The following OSBPL8 variants were observed in gnomAD, a reference collection of about 807,000 sequenced individuals.
The protein encoded by OSBPL8 is oxysterol-binding protein-related protein 8.
OSBPL8 carries 59 observed loss-of-function variants against 125.5 expected under a neutral mutation model. The observed-to-expected ratio is 0.47, with a 90% CI of 0.38 to 0.58. The LOEUF (loss-of-function observed/expected upper bound fraction) is 0.58, where lower values mean the gene tolerates loss of function less well. Ranked by LOEUF, OSBPL8 falls within the 20% of genes least tolerant of loss-of-function variation. The pLI, the probability that OSBPL8 is intolerant of heterozygous loss-of-function variation, is 0.00. For missense variants in OSBPL8, 758 were observed against 1,047.8 expected, an observed-to-expected ratio of 0.72 and a Z score of 3.82; for synonymous variants, 330 against 338.9, an observed-to-expected ratio of 0.97 and a Z score of 0.29.
Position 76,373,266 on chromosome 12 carries a change from G to A in OSBPL8, c.1917+78C>T, listed in dbSNP as rs932742405. On this transcript the variant is annotated intron_variant, in intron 18 of 23. Transcript: ENST00000261183. ...AGTGATGTTTTCAGCAACGGAATAA[G>A]TTTTAAATTTTAAATGTGATTTTTT... is the stretch of plus-strand genomic sequence containing the variant. The A allele has an allele frequency of 5.3e-6, 5 of 936,986 alleles. No individual in the cohort carries two copies. In the Admixed American group the frequency reaches 8.4e-5, roughly 16 times the overall value. 58.0% of individuals were successfully genotyped at this position (936,986 alleles called of 1,614,324 possible). A position where few individuals can be genotyped will look rare whatever the true frequency, so the allele number is the denominator to read the frequency against.
intron 21 of OSBPL8, among the ~76,000 whole-genome samples, chr12:76,361,682 C>A (rs1311008871): frequency 6.6e-6 from 1 of 152,124 alleles, no homozygotes; most frequent in East Asian, 1.9e-4. Context: ...GTGAAAGGCC[C>A]CCTTTCTTAC....
intron 18 of OSBPL8, 81 bp downstream of exon 18, chr12:76,373,263 T>G (rs1952687703): frequency 2.2e-6 from 2 of 898,720 alleles, no homozygotes; most frequent in African/African-American, 3.6e-5. Flanking sequence ...AGCAACGGAA[T>G]AAGTTTTAAA....
intron 4 of OSBPL8, among the ~76,000 whole-genome samples, chr12:76,443,462 C>T (rs1360834592): frequency 2.0e-5 from 3 of 152,040 alleles, no homozygotes; most frequent in Non-Finnish European, 4.4e-5. Context: ...TAGTTAAAAG[C>T]AGAGGAGGAA....
chr12:76,542,678 C>G (rs932839166), intron 1 of OSBPL8, among the ~76,000 whole-genome samples: 1 of 152,198 alleles, frequency 6.6e-6, no homozygotes, highest in African/African-American at 2.4e-5. Context: ...ACCCTCATCA[C>G]CCTCCAAACC....
chr12:76,486,282 C>T (rs1177287191), intron 2 of OSBPL8, among the ~76,000 whole-genome samples: 2 of 152,176 alleles, frequency 1.3e-5, no homozygotes, highest in East Asian at 1.9e-4. Flanking sequence ...AAAGGACATT[C>T]ACTAAACTAA....
At chr12:76,410,012 G>A (rs946013387) in intron 5 of OSBPL8, among the ~76,000 whole-genome samples, 1 of 151,980 alleles carries the variant, frequency 6.6e-6, no homozygotes, top group African/African-American at 2.4e-5. Context: ...ACTGGTTACT[G>A]CATCACATGG....
intron 5 of OSBPL8, among the ~76,000 whole-genome samples, chr12:76,408,461 C>CAA (rs71082306): frequency 8.2e-5 from 6 of 73,250 alleles, no homozygotes; most frequent in Admixed American, 1.6e-4. Context: ...GACTCCTTCT[C>CAA]AAAAAAAAAA....
At chr12:76,414,821 A>C (rs971732014) in intron 4 of OSBPL8, among the ~76,000 whole-genome samples, 2 of 152,182 alleles carry the variant, frequency 1.3e-5, no homozygotes, top group South Asian at 2.1e-4. Flanking sequence ...TAACAAAACG[A>C]AATTTGGATT....
intron 4 of OSBPL8, among the ~76,000 whole-genome samples, chr12:76,427,073 G>A (rs1024452831): frequency 2.0e-5 from 3 of 152,102 alleles, no homozygotes; most frequent in African/African-American, 7.2e-5. Flanking sequence ...AATAAATGTG[G>A]TTTAGCCAAA....
chr12:76,399,024 G>C (rs1215739871), intron 7 of OSBPL8, among the ~76,000 whole-genome samples: 1 of 152,202 alleles, frequency 6.6e-6, no homozygotes, highest in African/African-American at 2.4e-5. Flanking sequence ...AAAAACCTAA[G>C]TGAGATCTTG....
chr12:76,426,655 T>C (rs936587557), intron 4 of OSBPL8, among the ~76,000 whole-genome samples: 1 of 152,180 alleles, frequency 6.6e-6, no homozygotes, highest in Admixed American at 6.6e-5. Context: ...GGTTTTATTA[T>C]TATATTAACT....
intron 1 of OSBPL8, among the ~76,000 whole-genome samples, chr12:76,543,120 A>C (rs1950691755): frequency 6.6e-6 from 1 of 151,822 alleles, no homozygotes; most frequent in African/African-American, 2.4e-5. Flanking sequence ...TCGATCTTCT[A>C]CCACTTCCCA....
intron 1 of OSBPL8, among the ~76,000 whole-genome samples, chr12:76,532,036 C>CAAAAA (rs56122052): frequency 2.2e-5 from 2 of 90,014 alleles, no homozygotes; most frequent in Non-Finnish European, 2.2e-5. Flanking sequence ...GACTCCTTCT[C>CAAAAA]AAAAAAAAAA....
intron 4 of OSBPL8, among the ~76,000 whole-genome samples, chr12:76,428,842 A>G (rs1870473716): frequency 6.6e-6 from 1 of 152,162 alleles, no homozygotes; most frequent in African/African-American, 2.4e-5. Context: ...TCTATTCATA[A>G]CATTAAAATT....
At chr12:76,551,518 C>T (rs751352285) in intron 1 of OSBPL8, among the ~76,000 whole-genome samples, 5 of 152,154 alleles carry the variant, frequency 3.3e-5, no homozygotes, top group Non-Finnish European at 7.4e-5. Context: ...TTTAAGAAAA[C>T]TCTTCAGACT....
chr12:76,554,264 T>C (rs930883939), intron 1 of OSBPL8, among the ~76,000 whole-genome samples: 1 of 152,192 alleles, frequency 6.6e-6, no homozygotes, highest in Non-Finnish European at 1.5e-5. Context: ...CAAGGCTATA[T>C]TCCATCTTCT....
chr12:76,467,520 A>G (rs774039151), intron 2 of OSBPL8, among the ~76,000 whole-genome samples: 1 of 152,244 alleles, frequency 6.6e-6, no homozygotes, highest in African/African-American at 2.4e-5. Flanking sequence ...CTCAGAAACC[A>G]GCTTCCACAC....
At position 76,352,456 on chromosome 12, in the gene OSBPL8, T is replaced by C. The variant is rs1294051100; in HGVS notation, c.*3433A>G. ...AAATATACTAAACTCACACAACAGG[T>C]AGAATAAAATGAAACCAAATTACAT... On this transcript the variant is annotated 3_prime_UTR_variant, in exon 24 of 24. Coordinates refer to ENST00000261183, the MANE Select transcript of OSBPL8 (RefSeq NM_020841.5). 6.6e-6 allele frequency: 1 copy of C among 152,440 alleles called. No individual in the cohort carries two copies. Among genetic ancestry groups the C allele is most frequent in the African/African-American group, 2.4e-5 (1 of 41,412 alleles). The allele number at this position is 152,440 out of a possible 1,614,324, so 9.4% of individuals were successfully genotyped here. A position where few individuals can be genotyped will look rare whatever the true frequency, so the allele number is the denominator to read the frequency against.
intron 2 of OSBPL8, among the ~76,000 whole-genome samples, chr12:76,460,310 C>T (rs1386394085): frequency 1.3e-5 from 2 of 152,010 alleles, no homozygotes; most frequent in South Asian, 2.1e-4. Flanking sequence ...AACTATATAA[C>T]ACCCATGCAC....
Sources: allele counts gnomAD v4.1 joint callset (sites outside exome capture counted in the v4.1 genomes callset), GRCh38; gene constraint gnomAD v4.1.1; transcripts MANE v1.5; gene names NCBI Gene and HGNC (gene_info 2026-07-23, HGNC 2026-07-21).